CALN1: variants seen among roughly 807,000 people sequenced by gnomAD.
CALN1 encodes the protein calneuron 1.
A neutral mutation model predicts 30.6 loss-of-function variants in CALN1; 17 were observed. The observed-to-expected ratio is 0.56, with a 90% CI of 0.38 to 0.83. The LOEUF is 0.83. Among genes scored for constraint, CALN1 ranks in the 40% least tolerant of loss-of-function variants. CALN1 has a pLI of 0.00. For synonymous variants in CALN1, 156 were observed against 131.4 expected (o/e 1.19, Z -1.28); for missense variants, 291 against 354.9 (o/e 0.82, Z 1.45).
intron 2 of CALN1, among the ~76,000 whole-genome samples, chr7:72,391,818 A>C (rs1454520591): frequency 3.3e-5 from 5 of 152,142 alleles, no homozygotes; most frequent in Admixed American, 2.6e-4. Flanking sequence ...CTGTGGGTCC[A>C]TGAACCCTCT....
chr7:72,179,311 T>C lies in CALN1; in HGVS notation c.245-73017A>G, dbSNP rs577535748. On this transcript the variant is annotated intron_variant, in intron 3 of 6. Coordinates refer to ENST00000395275, the MANE Select transcript of CALN1 (RefSeq NM_031468.4). ...GGACTAATATGCTTGAGATTAAAAG[T>C]TCTTTTTTAAATGTCATACAATTTT... 3.3e-5 allele frequency among the ~76,000 whole-genome samples: 5 copies of C among 152,332 alleles called. No homozygotes were observed. The South Asian group carries it at 1.0e-3, about 32-fold the overall frequency.
intron 3 of CALN1, among the ~76,000 whole-genome samples, chr7:72,203,532 C>T (rs941777804): frequency 6.6e-6 from 1 of 152,136 alleles, no homozygotes; most frequent in Non-Finnish European, 1.5e-5. Flanking sequence ...CCCCTTCTCC[C>T]TGGTTTCTGC....
intron 3 of CALN1, among the ~76,000 whole-genome samples, chr7:72,265,723 C>A (rs942544249): frequency 5.3e-5 from 8 of 152,104 alleles, no homozygotes; most frequent in Admixed American, 3.9e-4. Flanking sequence ...GCAGCAGGTT[C>A]TTTTGCATAA....
Position 72,124,522 on chromosome 7 carries a change from C to T in CALN1, c.245-18228G>A, listed in dbSNP as rs189381776. 1.8e-4 allele frequency among the ~76,000 whole-genome samples: 27 copies of T among 152,096 alleles called. No homozygotes were observed. The East Asian group carries it at 3.5e-3, about 20-fold the overall frequency. Reference sequence around the variant, plus strand: ...TGGGCATACACCAGGCACATAACTGCGTGCCTGTAGTCCCAGCTACTTGGG... The same window carrying T: ...TGGGCATACACCAGGCACATAACTGTGTGCCTGTAGTCCCAGCTACTTGGG... On this transcript the variant is annotated intron_variant, in intron 3 of 6. Coordinates refer to ENST00000395275, the MANE Select transcript of CALN1 (RefSeq NM_031468.4).
chr7:72,216,445 T>C (rs1342893849), intron 3 of CALN1, among the ~76,000 whole-genome samples: 1 of 151,666 alleles, frequency 6.6e-6, no homozygotes, highest in Admixed American at 6.6e-5. Context: ...AATAAATACA[T>C]ATATCTTTCA....
At chr7:72,337,876 G>A (rs1239358081) in intron 2 of CALN1, 1 of 152,398 alleles carries the variant, frequency 6.6e-6, no homozygotes, top group Admixed American at 6.5e-5. Context: ...AGGGCGCTTG[G>A]GCAGAGGTGT....
chr7:72,439,090 G>A (rs1808265930), intron 1 of CALN1, among the ~76,000 whole-genome samples: 1 of 152,174 alleles, frequency 6.6e-6, no homozygotes, highest in Non-Finnish European at 1.5e-5. Context: ...AGGCTGGAGT[G>A]CAGTGACGCC....
At chr7:72,409,053 T>G (rs996005184) in intron 1 of CALN1, among the ~76,000 whole-genome samples, 2 of 151,772 alleles carry the variant, frequency 1.3e-5, no homozygotes, top group African/African-American at 4.8e-5. Context: ...TAGACTGCAG[T>G]GGCACTATCT....
intron 5 of CALN1, among the ~76,000 whole-genome samples, chr7:71,916,044 A>G (rs537398761): frequency 2.0e-4 from 31 of 152,190 alleles, no homozygotes; most frequent in African/African-American, 6.7e-4. Flanking sequence ...TCCACCTCCA[A>G]TCCAGCAAAT....
At chr7:71,822,057 C>T (rs1788625841) in intron 5 of CALN1, among the ~76,000 whole-genome samples, 1 of 151,892 alleles carries the variant, frequency 6.6e-6, no homozygotes, top group Non-Finnish European at 1.5e-5. Flanking sequence ...GTGTGAGCTA[C>T]CACACCTGGC....
At chr7:71,883,432 T>C (rs866536774) in intron 5 of CALN1, among the ~76,000 whole-genome samples, 3 of 152,158 alleles carry the variant, frequency 2.0e-5, no homozygotes, top group Non-Finnish European at 4.4e-5. Context: ...CAGAACTCAG[T>C]AGCATTTTAA....
intron 3 of CALN1, among the ~76,000 whole-genome samples, chr7:72,205,551 A>AATATATACAT (rs1554319584): frequency 1.2e-5 from 1 of 83,050 alleles, no homozygotes; most frequent in Admixed American, 1.4e-4. Context: ...GCAAAAAAAA[A>AATATATACAT]ATATATATAT....
intron 3 of CALN1, among the ~76,000 whole-genome samples, chr7:72,226,326 T>G (rs555364827): frequency 1.3e-5 from 2 of 151,338 alleles, no homozygotes; most frequent in East Asian, 3.9e-4. Context: ...TGAACCATGA[T>G]TTCCCCAACT....
intron 2 of CALN1, among the ~76,000 whole-genome samples, chr7:72,385,677 G>A (rs1473751408): frequency 6.6e-6 from 1 of 152,214 alleles, no homozygotes. Flanking sequence ...TGGTGGTGAT[G>A]ACTGGATCAT....
At chr7:72,141,615 T>C (rs1809946558) in intron 3 of CALN1, among the ~76,000 whole-genome samples, 1 of 151,896 alleles carries the variant, frequency 6.6e-6, no homozygotes, top group Non-Finnish European at 1.5e-5. Context: ...GTCAATCAGG[T>C]AGGAATGCAA....
At chr7:72,123,235 C>T (rs1808512565) in intron 3 of CALN1, among the ~76,000 whole-genome samples, 2 of 152,152 alleles carry the variant, frequency 1.3e-5, no homozygotes, top group South Asian at 4.1e-4. Context: ...CTTCTAGCTG[C>T]CTGCTAGAAG....
chr7:72,381,333 T>A (rs745359410), intron 2 of CALN1, among the ~76,000 whole-genome samples: 1 of 152,144 alleles, frequency 6.6e-6, no homozygotes, highest in Non-Finnish European at 1.5e-5. Context: ...ATCCTATTAC[T>A]GGGTATATAC....
At chr7:72,375,048 G>GA (rs947081252) in intron 2 of CALN1, among the ~76,000 whole-genome samples, 23 of 151,952 alleles carry the variant, frequency 1.5e-4, no homozygotes, top group African/African-American at 5.3e-4. Context: ...ATCCAGATTG[G>GA]AAAAAAAGAT....
chr7:72,005,463 G>C (rs1799721641), intron 5 of CALN1, among the ~76,000 whole-genome samples: 1 of 151,992 alleles, frequency 6.6e-6, no homozygotes, highest in African/African-American at 2.4e-5. Flanking sequence ...CAGGTAGCTG[G>C]GACTACAGGC....
Sources: allele counts gnomAD v4.1 joint callset (sites outside exome capture counted in the v4.1 genomes callset), GRCh38; gene constraint gnomAD v4.1.1; transcripts MANE v1.5; gene names NCBI Gene and HGNC (gene_info 2026-07-23, HGNC 2026-07-21).